The following COLEC12 variants were observed in gnomAD, a reference collection of about 807,000 sequenced individuals.
COLEC12 encodes collectin subfamily member 12.
Under a neutral mutation model 71.1 loss-of-function variants are expected in COLEC12, and 33 were observed. The ratio of observed to expected loss-of-function variants is 0.46; its 90% confidence interval spans 0.35 to 0.62. The LOEUF is 0.62. COLEC12 is among the 20% of genes least tolerant of loss of function. The probability of loss-of-function intolerance (pLI) is 0.00; values close to 1 mark genes in which losing one functional copy is unlikely to be tolerated. For missense variants in COLEC12, 765 were observed against 916.1 expected (o/e 0.84, Z 2.13); for synonymous variants, 350 against 353.0 (o/e 0.99, Z 0.10).
chr18:434,907 A>C (rs1916373912), intron 2 of COLEC12, among the ~76,000 whole-genome samples: 1 of 152,058 alleles, frequency 6.6e-6, no homozygotes, highest in African/African-American at 2.4e-5. Context: ...CATTGAACCA[A>C]ACCACTTGCC....
intron 2 of COLEC12, among the ~76,000 whole-genome samples, chr18:361,597 A>C (rs986638018): frequency 6.6e-6 from 1 of 152,220 alleles, no homozygotes. Context: ...GGACCAGCGC[A>C]TAAGCTCTCT....
chr18:395,765 C>G (rs548280483), intron 2 of COLEC12, among the ~76,000 whole-genome samples: 4 of 152,300 alleles, frequency 2.6e-5, no homozygotes, highest in African/African-American at 9.6e-5. Context: ...GTTAAAAGAC[C>G]AGGTCCCATT....
chr18:494,495 C>G (rs1481043799), intron 1 of COLEC12, among the ~76,000 whole-genome samples: 3 of 152,134 alleles, frequency 2.0e-5, no homozygotes, highest in Non-Finnish European at 4.4e-5. Context: ...GATAAAGAAA[C>G]TGGGGCCCCA....
rs937101259 is a variant in COLEC12, at chr18:500,181, C to T, written c.7+327G>A. ...ACCGGGAGGGATGGCGATGCCTCCA[C>T]TCTCCTCGGCAGGTTTTTTCAATTA... On this transcript the variant is annotated intron_variant, in intron 1 of 9. Coordinates refer to ENST00000400256, the MANE Select transcript of COLEC12 (RefSeq NM_130386.3). This position sits in a 1 kb window ranked among gnomAD's most constrained non-coding sequence, Gnocchi z 5.3. Among the ~76,000 whole-genome samples, 16 of 152,194 alleles carry T rather than the reference C, an allele frequency of 1.1e-4. No homozygotes were observed. Among genetic ancestry groups the T allele is most frequent in the Non-Finnish European group, 2.2e-4 (15 of 68,034 alleles).
At chr18:340,082 A>AAAAAAAAC (rs1426306649) in intron 5 of COLEC12, among the ~76,000 whole-genome samples, 1 of 151,306 alleles carries the variant, frequency 6.6e-6, no homozygotes, top group Non-Finnish European at 1.5e-5. Context: ...AGCAAAAAAA[A>AAAAAAAAC]AAAAAAAAAC....
intron 2 of COLEC12, among the ~76,000 whole-genome samples, chr18:442,877 C>T (rs1598365364): frequency 1.3e-5 from 2 of 152,180 alleles, no homozygotes; most frequent in South Asian, 2.1e-4. Context: ...AGGAGAATGG[C>T]GTGAACCCGG....
chr18:403,631 T>C (rs1315968103), intron 2 of COLEC12, among the ~76,000 whole-genome samples: 3 of 152,274 alleles, frequency 2.0e-5, no homozygotes, highest in African/African-American at 7.2e-5. Context: ...ATCCTTCTTA[T>C]TTCTTTTGAG....
At chr18:418,203 G>A (rs1272656257) in intron 2 of COLEC12, among the ~76,000 whole-genome samples, 2 of 152,164 alleles carry the variant, frequency 1.3e-5, no homozygotes, top group Non-Finnish European at 2.9e-5. Flanking sequence ...TCAGCATGTG[G>A]AGCAAAGTAG....
intron 2 of COLEC12, among the ~76,000 whole-genome samples, chr18:457,830 C>T (rs1916902440): frequency 6.6e-6 from 1 of 152,194 alleles, no homozygotes; most frequent in Non-Finnish European, 1.5e-5. Flanking sequence ...TGACTGCCAA[C>T]AAAAGCTGGA....
chr18:451,280 C>T (rs549502264), intron 2 of COLEC12, among the ~76,000 whole-genome samples: 1 of 152,300 alleles, frequency 6.6e-6, no homozygotes, highest in East Asian at 1.9e-4. Flanking sequence ...ATCTTACTGA[C>T]TGCTGGACGT....
chr18:425,114 T>C (rs984137939), intron 2 of COLEC12, among the ~76,000 whole-genome samples: 1 of 152,232 alleles, frequency 6.6e-6, no homozygotes, highest in Admixed American at 6.5e-5. Flanking sequence ...TCTGTTCTTA[T>C]TCTTCAAAAT....
Position 418,494 on chromosome 18 carries a change from G to C in COLEC12, c.59-60972C>G, listed in dbSNP as rs148711824. 2.0e-5 allele frequency among the ~76,000 whole-genome samples: 3 copies of C among 152,158 alleles called. No individual in the cohort carries two copies. The South Asian group carries it at 6.2e-4, about 32-fold the overall frequency. ...CTTAAATAGGAGCTGGGTAAAATGA[G>C]GCTGAAACCTACTGGGCTGCATTCC... On this transcript the variant is annotated intron_variant, in intron 2 of 9. Coordinates refer to ENST00000400256, the MANE Select transcript of COLEC12 (RefSeq NM_130386.3).
intron 2 of COLEC12, among the ~76,000 whole-genome samples, chr18:390,238 C>G (rs544314478): frequency 2.0e-5 from 3 of 152,164 alleles, no homozygotes; most frequent in African/African-American, 7.2e-5. Flanking sequence ...GGGAGGCCAT[C>G]GTGCTGCCCA....
In COLEC12 at chr18:317,688, A is replaced by G. The variant is rs1913577680; in HGVS notation, c.*2357T>C. On this transcript the variant is annotated 3_prime_UTR_variant, in exon 10 of 10. Coordinates refer to ENST00000400256, the MANE Select transcript of COLEC12 (RefSeq NM_130386.3). ...AAGTTTCTTCTGAAGACAAATTTTA[A>G]TTGACACTTGAAAACCAGGAAGAGC... The G allele has an allele frequency of 6.6e-6, 1 of 152,376 alleles. No individual in the cohort carries two copies. Among genetic ancestry groups the G allele is most frequent in the Non-Finnish European group, 1.5e-5 (1 of 68,036 alleles). The allele number at this position is 152,376 out of a possible 1,614,324, so 9.4% of individuals were successfully genotyped here.
intron 2 of COLEC12, among the ~76,000 whole-genome samples, chr18:458,150 TG>T (rs1325088051): frequency 6.6e-6 from 1 of 152,232 alleles, no homozygotes; most frequent in Non-Finnish European, 1.5e-5. Flanking sequence ...GATCTGATTT[TG>T]TCCCATTTGC....
chr18:331,544 C>A (rs1913980590), intron 8 of COLEC12, 124 bp downstream of exon 8: 1 of 572,136 alleles, frequency 1.7e-6, no homozygotes, highest in South Asian at 2.7e-5. Context: ...TACCAGGAGC[C>A]CCGGTTTGGG....
chr18:407,681 T>C (rs1216219458), intron 2 of COLEC12, among the ~76,000 whole-genome samples: 1 of 152,208 alleles, frequency 6.6e-6, no homozygotes, highest in African/African-American at 2.4e-5. Flanking sequence ...TGAACGTTAA[T>C]CTTGTCCAGA....
intron 2 of COLEC12, among the ~76,000 whole-genome samples, chr18:368,791 G>A (rs922764142): frequency 6.6e-5 from 10 of 152,268 alleles, no homozygotes; most frequent in South Asian, 6.2e-4. Flanking sequence ...GCGTGAACCC[G>A]GGAGGCGGAG....
intron 2 of COLEC12, among the ~76,000 whole-genome samples, chr18:435,493 C>T (rs1916386546): frequency 6.6e-6 from 1 of 152,212 alleles, no homozygotes; most frequent in Non-Finnish European, 1.5e-5. Context: ...ATTCAATTAC[C>T]TCCAGCTGGT....
Sources: gnomAD v4.1 joint callset for allele counts (sites outside exome capture counted in the v4.1 genomes callset) on GRCh38, gnomAD v4.1.1 for gene constraint, Gnocchi (gnomAD v3.1) non-coding constraint, MANE v1.5 for transcripts, NCBI Gene and HGNC (gene_info 2026-07-23, HGNC 2026-07-21) for gene names.